TMEM200C: variants seen among roughly 807,000 people sequenced by gnomAD.
TMEM200C encodes transmembrane protein 200C.
For missense variants in TMEM200C, 966 were observed against 699.9 expected (o/e 1.38, Z -4.29); for synonymous variants, 462 against 324.7 (o/e 1.42, Z -4.55).
exon 3 of TMEM200C, chr18:5,882,988 G>C (rs2095162846): frequency 6.6e-6 from 1 of 152,062 alleles, no homozygotes; most frequent in Admixed American, 6.6e-5. Context: ...TGTGCTTCCT[G>C]ATATCATTTA....
chr18:5,891,845 G>A lies in TMEM200C; in HGVS notation c.219C>T (p.Gly73=), dbSNP rs1317451344. 6.2e-7 allele frequency: 1 copy of A among 1,607,788 alleles called. No homozygotes were observed. Among genetic ancestry groups the A allele is most frequent in the Non-Finnish European group, 8.5e-7 (1 of 1,179,056 alleles). ...TGGTCCCGGTGGCCTTGGGCCAGTA[G>A]CCCACCACCGCCATGGCTATGCCCA... The change falls in exon 3 of 3, where the codon GGC becomes GGT. Residue 73 remains glycine, a synonymous_variant. Coordinates refer to ENST00000581347, the Ensembl canonical transcript of TMEM200C. This position sits in a 1 kb window ranked among gnomAD's most constrained non-coding sequence, Gnocchi z 4.7.
At chr18:5,894,933 C>G (rs1348725000) in intron 2 of TMEM200C, 97 bp downstream of exon 1, 1 of 152,224 alleles carries the variant, frequency 6.6e-6, no homozygotes, top group Non-Finnish European at 1.5e-5. Context: ...CGCGGGGACT[C>G]GGGGACCCGA....
chr18:5,892,091 C>G, exon 3 of TMEM200C: 3 of 1,595,838 alleles, frequency 1.9e-6, no homozygotes, highest in South Asian at 2.3e-5. Flanking sequence ...CAGGACTAGC[C>G]TCTGGGATGG....
exon 3 of TMEM200C, chr18:5,885,864 T>C (rs1241282120): frequency 6.6e-6 from 1 of 152,174 alleles, no homozygotes; most frequent in Admixed American, 6.5e-5. Flanking sequence ...TTAGTCTAAA[T>C]ATTCACCCAA....
In TMEM200C at chr18:5,891,401, G is replaced by C; in HGVS notation, c.663C>G (p.Ala221=). The change falls in exon 3 of 3, where the codon GCC becomes GCG. Residue 221 remains alanine (A), a synonymous_variant. Coordinates refer to ENST00000581347, the Ensembl canonical transcript of TMEM200C. The surrounding 1 kb of genome is among the most constrained non-coding windows in gnomAD (Gnocchi z 4.7). Reference sequence around the variant, plus strand: ...CGGCGGCGGCCGCGGCGGCGGCCGCGGCGGCCGCCAGGTCTTTGGCGCGGA... The same window carrying C: ...CGGCGGCGGCCGCGGCGGCGGCCGCCGCGGCCGCCAGGTCTTTGGCGCGGA... 7.3e-7 allele frequency: 1 copy of C among 1,367,740 alleles called. No homozygotes were observed. Among genetic ancestry groups the C allele is most frequent in the Non-Finnish European group, 9.4e-7 (1 of 1,064,734 alleles). The allele number at this position is 1,367,740 out of a possible 1,614,324, so 84.7% of individuals were successfully genotyped here. A position where few individuals can be genotyped will look rare whatever the true frequency, so the allele number is the denominator to read the frequency against.
chr18:5,895,880 C>A (rs1308140857), exon 1 of TMEM200C: 3 of 151,960 alleles, frequency 2.0e-5, no homozygotes, highest in Non-Finnish European at 4.4e-5. Context: ...GCCCCAGAGG[C>A]CCCAAAGAGA....
chr18:5,894,077 T>G (rs1172310319), intron 2 of TMEM200C, among the ~76,000 whole-genome samples: 1 of 152,136 alleles, frequency 6.6e-6, no homozygotes, highest in African/African-American at 2.4e-5. Flanking sequence ...GACCAGACAT[T>G]TTTTAGAAGC....
At position 5,893,502 on chromosome 18, in the gene TMEM200C, T is replaced by A. The variant is rs552928700; in HGVS notation, c.-94-1345A>T. Among the ~76,000 whole-genome samples the A allele has an allele frequency of 2.0e-5, 3 of 152,342 alleles. No individual in the cohort carries two copies. In the South Asian group the frequency reaches 6.2e-4, roughly 32 times the overall value. ...CCAGAGTAGAACATTTTCTGTCCCA[T>A]TAGTTGTTTTCCCTCCTATGAGATG... On this transcript the variant is annotated intron_variant, in intron 2 of 2. Coordinates refer to ENST00000581347, the Ensembl canonical transcript of TMEM200C.
chr18:5,890,389 G>C (rs755370194), exon 3 of TMEM200C: 11 of 1,582,616 alleles, frequency 7.0e-6, no homozygotes, highest in Admixed American at 3.5e-5. Flanking sequence ...GCAGAGTCTC[G>C]CGTTTGACCA....
At position 5,891,719 on chromosome 18, in the gene TMEM200C, G is replaced by C. The variant is rs1234188495; in HGVS notation, c.345C>G (p.Ser115Arg). Residue 115 changes from serine (S) to arginine (R), a missense_variant, in exon 3 of 3, where the codon AGC (serine) becomes AGG (arginine). Physicochemically the swap from Ser to Arg is moderately radical, Grantham distance 110 (BLOSUM62 -1). Transcript: ENST00000581347. The surrounding 1 kb of genome is among the most constrained non-coding windows in gnomAD (Gnocchi z 4.7). ...TGACACCCCCTGGAGCCCTAGGGTG[G>C]CTCCTGGACCGGTTTTTGCTGCCAC... The C allele has an allele frequency of 6.2e-7, 1 of 1,613,116 alleles. No individual in the cohort carries two copies. The highest frequency in any genetic ancestry group is 1.7e-5 in the Admixed American group (1 of 60,010).
intron 2 of TMEM200C, among the ~76,000 whole-genome samples, chr18:5,893,918 A>C (rs957418612): frequency 3.9e-5 from 6 of 152,118 alleles, no homozygotes; most frequent in Non-Finnish European, 7.3e-5. Flanking sequence ...AACAAACAAA[A>C]AAAAGAGCTT....
chr18:5,892,023 T>A, exon 3 of TMEM200C: 1 of 1,613,898 alleles, frequency 6.2e-7, no homozygotes, highest in Non-Finnish European at 8.5e-7. Flanking sequence ...TGGATCCTGC[T>A]TTCTGGCGGA....
In TMEM200C at chr18:5,891,760, C is replaced by A. The variant is rs763080151; in HGVS notation, c.304G>T (p.Ala102Ser). The A allele has an allele frequency of 1.2e-6, 2 of 1,610,372 alleles. No individual in the cohort carries two copies. The highest frequency in any genetic ancestry group is 8.5e-7 in the Non-Finnish European group (1 of 1,179,458). ...TTGCTGCCACTGCTACTGCTGTTGG[C>A]CGTGGTTGGGACCCGGTGGCTGCTG... Residue 102 changes from alanine to serine, a missense_variant, in exon 3 of 3, where the codon GCC becomes TCC. By Grantham distance (99) the Ala-to-Ser change is moderately conservative. Coordinates refer to ENST00000581347, the Ensembl canonical transcript of TMEM200C. The surrounding 1 kb of genome is among the most constrained non-coding windows in gnomAD (Gnocchi z 4.7).
At chr18:5,892,040 T>C (rs1390852104) in exon 3 of TMEM200C, 4 of 1,613,600 alleles carry the variant, frequency 2.5e-6, no homozygotes, top group Non-Finnish European at 3.4e-6. Context: ...CGGAAATCCT[T>C]AGCAGGCCGC....
exon 3 of TMEM200C, chr18:5,890,975 C>T: frequency 1.5e-6 from 1 of 658,602 alleles, no homozygotes; most frequent in Non-Finnish European, 2.7e-6. Flanking sequence ...TGCTCTGGCG[C>T]CCCCAGCTCT....
exon 3 of TMEM200C, chr18:5,883,005 C>G (rs1357494265): frequency 1.3e-5 from 2 of 151,792 alleles, no homozygotes; most frequent in Non-Finnish European, 2.9e-5. Flanking sequence ...TTTACCATGA[C>G]ATATTAACCA....
exon 3 of TMEM200C, chr18:5,885,568 G>A (rs1003623167): frequency 1.2e-4 from 18 of 152,296 alleles, no homozygotes; most frequent in African/African-American, 4.3e-4. Context: ...TCCTACTGTA[G>A]TTCACACCCA....
At chr18:5,886,552 A>G (rs929231248) in exon 3 of TMEM200C, 1 of 152,168 alleles carries the variant, frequency 6.6e-6, no homozygotes, top group Non-Finnish European at 1.5e-5. Flanking sequence ...TAGTACATTA[A>G]GTTTATGGTT....
At position 5,891,271 on chromosome 18, in the gene TMEM200C, C is replaced by A. The variant is rs1318789352; in HGVS notation, c.793G>T (p.Gly265Cys). 4 of 1,410,670 alleles carry A rather than the reference C, an allele frequency of 2.8e-6. No homozygotes were observed. Among genetic ancestry groups the A allele is most frequent in the South Asian group, 2.9e-5 (2 of 68,046 alleles). The allele number at this position is 1,410,670 out of a possible 1,614,324, so 87.4% of individuals were successfully genotyped here. The change falls in exon 3 of 3, where the codon GGC (glycine) becomes TGC (cysteine). Residue 265 changes from glycine to cysteine, a missense_variant. Physicochemically the swap from Gly to Cys is radical, Grantham distance 159. Coordinates refer to ENST00000581347, the Ensembl canonical transcript of TMEM200C. The surrounding 1 kb of genome is among the most constrained non-coding windows in gnomAD (Gnocchi z 4.7). ...AAGGCGTCCCCGGAGCCACCGCAGC[C>A]CCCGGGCTTCAGCTCCAGGCCCCGC...
Sources: gnomAD v4.1 joint callset for allele counts (sites outside exome capture counted in the v4.1 genomes callset) on GRCh38, gnomAD v4.1.1 for gene constraint, Gnocchi (gnomAD v3.1) non-coding constraint, MANE v1.5 for transcripts, NCBI Gene and HGNC (gene_info 2026-07-23, HGNC 2026-07-21) for gene names.